The following ARHGAP24 variants were observed in gnomAD, a reference collection of about 807,000 sequenced individuals.
ARHGAP24 encodes rho GTPase-activating protein 24.
Under a neutral mutation model 76.4 loss-of-function variants are expected in ARHGAP24, and 50 were observed. The ratio of observed to expected loss-of-function variants is 0.65; its 90% CI spans 0.52 to 0.83. The LOEUF (loss-of-function observed/expected upper bound fraction) is 0.83, where lower values mean the gene tolerates loss of function less well. Ranked by LOEUF, ARHGAP24 falls within the 40% of genes least tolerant of loss-of-function variation. The pLI is 0.00. For synonymous variants in ARHGAP24, 345 were observed against 323.3 expected (o/e 1.07, Z -0.72); for missense variants, 930 against 914.2 (o/e 1.02, Z -0.22).
intron 3 of ARHGAP24, among the ~76,000 whole-genome samples, chr4:85,876,594 T>C (rs996114917): frequency 3.3e-5 from 5 of 152,228 alleles, no homozygotes; most frequent in African/African-American, 1.2e-4. Flanking sequence ...GCACTAAGTT[T>C]AGGTGCCAAG....
At chr4:85,942,295 G>A (rs2148825314) in intron 5 of ARHGAP24, 22 bp downstream of exon 5, 2 of 1,612,600 alleles carry the variant, frequency 1.2e-6, no homozygotes. Flanking sequence ...AATTTTACTA[G>A]CCATCTTCAC....
intron 5 of ARHGAP24, among the ~76,000 whole-genome samples, chr4:85,961,281 G>A (rs1299232342): frequency 1.5e-5 from 2 of 136,570 alleles, no homozygotes; most frequent in Admixed American, 1.5e-4. Flanking sequence ...ATACTTCCAT[G>A]TTGGAATAAA....
intron 5 of ARHGAP24, among the ~76,000 whole-genome samples, chr4:85,971,749 T>A (rs1386095399): frequency 1.3e-5 from 2 of 152,054 alleles, no homozygotes; most frequent in African/African-American, 4.8e-5. Flanking sequence ...TCGTTAACTA[T>A]CCCCACTCCC....
chr4:85,595,662 T>C (rs571330009), intron 2 of ARHGAP24, among the ~76,000 whole-genome samples: 1 of 151,888 alleles, frequency 6.6e-6, no homozygotes, highest in Non-Finnish European at 1.5e-5. Flanking sequence ...ATGAAACAAG[T>C]ATAAGATAAG....
intron 4 of ARHGAP24, among the ~76,000 whole-genome samples, chr4:85,938,478 G>GT (rs1029102575): frequency 4.6e-5 from 7 of 152,142 alleles, no homozygotes; most frequent in African/African-American, 1.7e-4. Context: ...AAATAAATCT[G>GT]TTTTTTTAAA....
At chr4:85,550,095 T>G (rs1378505127) in intron 1 of ARHGAP24, among the ~76,000 whole-genome samples, 1 of 152,208 alleles carries the variant, frequency 6.6e-6, no homozygotes, top group Non-Finnish European at 1.5e-5. Flanking sequence ...GTAAAATGAT[T>G]TATATTCCTT....
At chr4:85,622,463 AT>A (rs1207703116) in intron 2 of ARHGAP24, among the ~76,000 whole-genome samples, 1 of 151,926 alleles carries the variant, frequency 6.6e-6, no homozygotes, top group Non-Finnish European at 1.5e-5. Context: ...TCCATGGTAT[AT>A]ATGTGCCACA....
intron 1 of ARHGAP24, among the ~76,000 whole-genome samples, chr4:85,508,760 T>G (rs1222149860): frequency 6.6e-6 from 1 of 152,172 alleles, no homozygotes; most frequent in African/African-American, 2.4e-5. Context: ...GGATCTACAT[T>G]GGTGTCCTCT....
chr4:85,848,462 C>T (rs1346233648), intron 3 of ARHGAP24, among the ~76,000 whole-genome samples: 1 of 152,150 alleles, frequency 6.6e-6, no homozygotes, highest in East Asian at 1.9e-4. Context: ...CAATAGTTTG[C>T]TCAGAACGAT....
At chr4:85,916,606 T>C (rs184697661) in intron 3 of ARHGAP24, among the ~76,000 whole-genome samples, 19 of 152,316 alleles carry the variant, frequency 1.2e-4, no homozygotes, top group Admixed American at 5.2e-4. Context: ...TCCAGTATTT[T>C]TCTGTAGTCT....
At chr4:85,947,575 T>C (rs1041532757) in intron 5 of ARHGAP24, among the ~76,000 whole-genome samples, 2 of 152,182 alleles carry the variant, frequency 1.3e-5, no homozygotes, top group African/African-American at 4.8e-5. Flanking sequence ...CAAGTGTTAT[T>C]TCTCTGTGAA....
rs567845449 is a variant in ARHGAP24, at chr4:85,672,287, G to A, written c.181-49598G>A. Among the ~76,000 whole-genome samples, 72 of 152,232 alleles carry A rather than the reference G, an allele frequency of 4.7e-4. No individual in the cohort carries two copies. In the South Asian group the frequency reaches 0.012, roughly 25 times the overall value. On this transcript the variant is annotated intron_variant, in intron 2 of 9. Coordinates refer to ENST00000395184, the MANE Select transcript of ARHGAP24 (RefSeq NM_001025616.3). ...GCCAGATGAGGCCCTTTCAATTTCC[G>A]GCTATAAACCTCTCTTGTTTTTGAA...
intron 5 of ARHGAP24, among the ~76,000 whole-genome samples, chr4:85,968,097 G>T (rs1212817417): frequency 6.6e-6 from 1 of 151,970 alleles, no homozygotes. Context: ...TTAGGTTGCA[G>T]TTAGGAGCTT....
chr4:85,603,341 G>C (rs369809332), intron 2 of ARHGAP24, among the ~76,000 whole-genome samples: 1 of 152,090 alleles, frequency 6.6e-6, no homozygotes, highest in Admixed American at 6.5e-5. Flanking sequence ...ATCTGCTGCC[G>C]ACAGTTGCAG....
chr4:85,804,788 A>G (rs2081929042), intron 3 of ARHGAP24, among the ~76,000 whole-genome samples: 1 of 152,198 alleles, frequency 6.6e-6, no homozygotes, highest in African/African-American at 2.4e-5. Flanking sequence ...TCTTGAAGAC[A>G]TTAGCTGTAC....
chr4:85,503,977 C>T lies in ARHGAP24; in HGVS notation c.-21+28418C>T, dbSNP rs1723930756. On this transcript the variant is annotated intron_variant, in intron 1 of 9. Coordinates refer to ENST00000395184, the MANE Select transcript of ARHGAP24 (RefSeq NM_001025616.3). ...TTCTGCCTTCATTTAGTTATTTACC[C>T]AGTAGTCATTCAGGAGCAGGTTGTT... Among the ~76,000 whole-genome samples the T allele has an allele frequency of 2.0e-5, 3 of 152,264 alleles. No individual in the cohort carries two copies. In the South Asian group the frequency reaches 6.2e-4, roughly 32 times the overall value.
chr4:85,632,726 T>G (rs899115837), intron 2 of ARHGAP24, among the ~76,000 whole-genome samples: 1 of 151,970 alleles, frequency 6.6e-6, no homozygotes, highest in African/African-American at 2.4e-5. Flanking sequence ...TGTTTGCCTC[T>G]CCAAGCTCCA....
intron 3 of ARHGAP24, among the ~76,000 whole-genome samples, chr4:85,788,746 T>G (rs7662174): frequency 0.33 from 50,879 of 151,922 alleles, 8,606 homozygotes; most frequent in Middle Eastern, 0.38. Context: ...TCAAAAGGAT[T>G]GTTGCTTGGC....
chr4:85,778,366 A>T (rs780595771), intron 3 of ARHGAP24, among the ~76,000 whole-genome samples: 1 of 152,202 alleles, frequency 6.6e-6, no homozygotes, highest in Non-Finnish European at 1.5e-5. Flanking sequence ...TTATTATGCA[A>T]GGATATAGAG....
Sources: gnomAD v4.1 joint callset for allele counts (sites outside exome capture counted in the v4.1 genomes callset) on GRCh38, gnomAD v4.1.1 for gene constraint, MANE v1.5 for transcripts, NCBI Gene and HGNC (gene_info 2026-07-23, HGNC 2026-07-21) for gene names.